The following DPP10 variants were observed in gnomAD, a reference collection of about 807,000 sequenced individuals.
DPP10 encodes the protein dipeptidyl peptidase like 10.
In DPP10, 33 loss-of-function variants were observed where a neutral mutation model predicts 120.9. That is an observed-to-expected ratio of 0.27 (90% CI 0.21 to 0.37). DPP10 has a LOEUF of 0.37. DPP10 is among the 10% of genes least tolerant of loss of function. DPP10 has a pLI of 1.00. For missense variants in DPP10, 816 were observed against 942.8 expected (o/e 0.87, Z 1.76); for synonymous variants, 337 against 326.1 (o/e 1.03, Z -0.36).
intron 5 of DPP10, among the ~76,000 whole-genome samples, chr2:115,615,871 T>C (rs1254376700): frequency 2.6e-5 from 4 of 152,184 alleles, no homozygotes; most frequent in African/African-American, 9.7e-5. Context: ...TATGAAGAAC[T>C]AATATTATAA....
At chr2:114,688,770 G>T (rs1288647017) in intron 1 of DPP10, among the ~76,000 whole-genome samples, 1 of 151,926 alleles carries the variant, frequency 6.6e-6, no homozygotes, top group Non-Finnish European at 1.5e-5. Context: ...GAGGAGTTAG[G>T]TAAGATTTCC....
Position 115,203,242 on chromosome 2 carries a change from T to C in DPP10, c.61-105997T>C, listed in dbSNP as rs147503199. Among the ~76,000 whole-genome samples the C allele has an allele frequency of 1.5e-3, 228 of 152,278 alleles. 1 individual carries two copies. Among genetic ancestry groups the C allele is most frequent in the African/African-American group, 5.0e-3 (209 of 41,568 alleles). On this transcript the variant is annotated intron_variant, in intron 1 of 25. Coordinates refer to ENST00000410059, the MANE Select transcript of DPP10 (RefSeq NM_020868.6). The stretch of plus-strand genomic sequence containing the variant: ...TGGATTTTAAGTACAAGGAAGAGTG[T>C]TGGCTTGAGTCTGGTCTTACTATGT...
intron 1 of DPP10, among the ~76,000 whole-genome samples, chr2:114,461,238 A>T (rs13426538): frequency 6.6e-6 from 1 of 152,146 alleles, no homozygotes; most frequent in Non-Finnish European, 1.5e-5. Context: ...TTGTGAAGTT[A>T]GGAATTGGCT....
At chr2:114,894,754 C>G (rs1692826961) in intron 1 of DPP10, among the ~76,000 whole-genome samples, 1 of 151,984 alleles carries the variant, frequency 6.6e-6, no homozygotes, top group African/African-American at 2.4e-5. Context: ...AACTTACCAG[C>G]AGAAAACTTA....
intron 3 of DPP10, among the ~76,000 whole-genome samples, chr2:115,374,645 T>C (rs2065654020): frequency 6.6e-6 from 1 of 152,234 alleles, no homozygotes; most frequent in Non-Finnish European, 1.5e-5. Flanking sequence ...TACTTCTGCC[T>C]GGACATCCAG....
chr2:115,086,891 T>C (rs182723468), intron 1 of DPP10, among the ~76,000 whole-genome samples: 19 of 152,370 alleles, frequency 1.2e-4, no homozygotes, highest in Non-Finnish European at 2.2e-4. Context: ...TGGTCACTCA[T>C]ATTTGTCTCA....
intron 5 of DPP10, among the ~76,000 whole-genome samples, chr2:115,615,276 A>C (rs1044264980): frequency 3.9e-5 from 6 of 152,166 alleles, no homozygotes; most frequent in Non-Finnish European, 8.8e-5. Context: ...GGTAGATGGA[A>C]TCTATTGGGA....
At chr2:115,777,757 A>G in intron 14 of DPP10, 30 bp from the exon 15 acceptor site, 1 of 1,611,360 alleles carries the variant, frequency 6.2e-7, no homozygotes, top group South Asian at 1.1e-5. Context: ...ATCTGTGTCT[A>G]ATGCTTGTGT....
At chr2:115,286,493 T>TATATA (rs2060384149) in intron 1 of DPP10, among the ~76,000 whole-genome samples, 1 of 9,254 alleles carries the variant, frequency 1.1e-4, no homozygotes, top group African/African-American at 2.1e-4. Context: ...ATATATATAA[T>TATATA]ATATATATAT....
intron 1 of DPP10, among the ~76,000 whole-genome samples, chr2:114,792,990 TTGTG>T (rs55780807): frequency 0.085 from 12,267 of 143,600 alleles, 509 homozygotes; most frequent in South Asian, 0.12. Context: ...AACTGTATTA[TTGTG>T]TGTGTGTGTG....
At chr2:115,525,806 G>C (rs2078097967) in intron 4 of DPP10, 92 bp from the exon 5 acceptor site, 1 of 852,352 alleles carries the variant, frequency 1.2e-6, no homozygotes, top group Non-Finnish European at 1.8e-6. Flanking sequence ...CCATTTTATA[G>C]TGCTATGAAA....
chr2:114,775,315 C>T (rs1681629721), intron 1 of DPP10, among the ~76,000 whole-genome samples: 1 of 152,112 alleles, frequency 6.6e-6, no homozygotes, highest in South Asian at 2.1e-4. Context: ...AGTCGTTATA[C>T]TACTCAAGTT....
chr2:114,980,933 T>G (rs2104854402), intron 1 of DPP10, among the ~76,000 whole-genome samples: 1 of 152,236 alleles, frequency 6.6e-6, no homozygotes, highest in East Asian at 1.9e-4. Context: ...TACCTATTCT[T>G]TTATATTTAA....
intron 1 of DPP10, among the ~76,000 whole-genome samples, chr2:115,208,096 A>T (rs566727828): frequency 9.2e-5 from 14 of 152,208 alleles, no homozygotes; most frequent in Non-Finnish European, 1.9e-4. Context: ...TCTTGGGCCA[A>T]TTGAATAATC....
At chr2:114,649,254 C>T (rs762674266) in intron 1 of DPP10, among the ~76,000 whole-genome samples, 1 of 152,186 alleles carries the variant, frequency 6.6e-6, no homozygotes. Context: ...CTCTGATACA[C>T]ATTAGAAACA....
intron 3 of DPP10, among the ~76,000 whole-genome samples, chr2:115,351,333 A>C (rs971001606): frequency 6.6e-6 from 1 of 152,058 alleles, no homozygotes; most frequent in Non-Finnish European, 1.5e-5. Context: ...GGATGGGCAG[A>C]CGTAACGATA....
At chr2:115,070,885 C>G (rs1430160486) in intron 1 of DPP10, among the ~76,000 whole-genome samples, 1 of 152,082 alleles carries the variant, frequency 6.6e-6, no homozygotes, top group East Asian at 1.9e-4. Context: ...TTGCACTTAG[C>G]CTTCACCTAA....
chr2:114,752,140 GAGAACCAC>G (rs1679290408), intron 1 of DPP10, among the ~76,000 whole-genome samples: 1 of 140,384 alleles, frequency 7.1e-6, no homozygotes, highest in Non-Finnish European at 1.6e-5. Flanking sequence ...TCTACACACT[GAGAACCAC>G]TGCCTTAGCC....
At chr2:115,516,663 C>G (rs2077521572) in intron 4 of DPP10, among the ~76,000 whole-genome samples, 2 of 144,432 alleles carry the variant, frequency 1.4e-5, no homozygotes, top group Non-Finnish European at 3.0e-5. Flanking sequence ...CATCCTGTAT[C>G]TGTTATAATT....
Sources: gnomAD v4.1 joint callset for allele counts (sites outside exome capture counted in the v4.1 genomes callset) on GRCh38, gnomAD v4.1.1 for gene constraint, MANE v1.5 for transcripts, NCBI Gene and HGNC (gene_info 2026-07-23, HGNC 2026-07-21) for gene names.